Variants in MAML3 observed in about 807,000 individuals in gnomAD.
The protein encoded by MAML3 is mastermind like transcriptional coactivator 3.
A neutral mutation model predicts 101.9 loss-of-function variants in MAML3; 27 were observed. That is an observed-to-expected ratio of 0.27 (90% CI 0.20 to 0.37). MAML3 has a LOEUF of 0.37. Ranked by LOEUF, MAML3 falls within the 10% of genes least tolerant of loss-of-function variation. The pLI is 1.00. For synonymous variants in MAML3, 501 were observed against 555.9 expected (o/e 0.90, Z 1.39); for missense variants, 1,316 against 1,444.9 (o/e 0.91, Z 1.45).
chr4:139,811,168 T>G (rs1330040405), intron 2 of MAML3, among the ~76,000 whole-genome samples: 7 of 152,240 alleles, frequency 4.6e-5, no homozygotes, highest in African/African-American at 1.7e-4. Context: ...ATGAAACTTT[T>G]TAAAACTTAC....
chr4:139,760,050 G>A (rs1729725261), intron 2 of MAML3, among the ~76,000 whole-genome samples: 1 of 152,184 alleles, frequency 6.6e-6, no homozygotes, highest in Non-Finnish European at 1.5e-5. Context: ...ACAACTTTTG[G>A]ACAAAATGGA....
intron 2 of MAML3, among the ~76,000 whole-genome samples, chr4:139,738,652 G>T (rs925423): frequency 0.98 from 148,427 of 152,190 alleles, 72,475 homozygotes; most frequent in East Asian, 1. Flanking sequence ...TTCCTCTGCT[G>T]CCCAATTGCT....
chr4:140,069,986 C>T (rs1048562029), intron 1 of MAML3, among the ~76,000 whole-genome samples: 2 of 151,938 alleles, frequency 1.3e-5, no homozygotes, highest in African/African-American at 4.8e-5. Context: ...TGTGGTGGTG[C>T]ACACCTGTAA....
At chr4:139,970,505 G>C (rs978426738) in intron 1 of MAML3, among the ~76,000 whole-genome samples, 1 of 152,102 alleles carries the variant, frequency 6.6e-6, no homozygotes, top group Non-Finnish European at 1.5e-5. Context: ...AATGGAGCAT[G>C]GGTTTTAAAA....
chr4:139,850,107 C>A (rs372333276), intron 2 of MAML3, among the ~76,000 whole-genome samples: 6 of 152,066 alleles, frequency 3.9e-5, no homozygotes, highest in African/African-American at 7.2e-5. Flanking sequence ...TATTTCCCCC[C>A]CTACACCCTA....
At chr4:140,125,665 C>T (rs1223841593) in intron 1 of MAML3, among the ~76,000 whole-genome samples, 1 of 152,034 alleles carries the variant, frequency 6.6e-6, no homozygotes, top group African/African-American at 2.4e-5. Flanking sequence ...TCTATGTAGC[C>T]CAGGCTGGTC....
chr4:139,841,030 T>A (rs1431027802), intron 2 of MAML3, among the ~76,000 whole-genome samples: 1 of 152,172 alleles, frequency 6.6e-6, no homozygotes, highest in Non-Finnish European at 1.5e-5. Context: ...TCATCCTCCA[T>A]ATCCTAAATG....
At chr4:140,012,741 C>T (rs1377178437) in intron 1 of MAML3, among the ~76,000 whole-genome samples, 1 of 152,244 alleles carries the variant, frequency 6.6e-6, no homozygotes, top group Non-Finnish European at 1.5e-5. Flanking sequence ...AGGTTCTATT[C>T]CTCTCCTTCA....
chr4:140,022,299 C>T (rs548527083), intron 1 of MAML3, among the ~76,000 whole-genome samples: 1 of 152,110 alleles, frequency 6.6e-6, no homozygotes, highest in Admixed American at 6.5e-5. Flanking sequence ...TTTATGGGAA[C>T]ATAAATTCTG....
At chr4:139,877,448 T>A (rs895797838) in intron 2 of MAML3, among the ~76,000 whole-genome samples, 5 of 152,122 alleles carry the variant, frequency 3.3e-5, no homozygotes, top group African/African-American at 1.2e-4. Flanking sequence ...TAAAGTGTGC[T>A]CCAAAAGACT....
At chr4:139,919,664 G>A (rs1389712039) in intron 1 of MAML3, among the ~76,000 whole-genome samples, 1 of 152,220 alleles carries the variant, frequency 6.6e-6, no homozygotes, top group Non-Finnish European at 1.5e-5. Context: ...TTCATGGAAT[G>A]TGGAACATCC....
intron 2 of MAML3, among the ~76,000 whole-genome samples, chr4:139,805,783 G>A (rs1040258232): frequency 1.1e-4 from 16 of 152,082 alleles, no homozygotes; most frequent in African/African-American, 3.6e-4. Flanking sequence ...GAGAAGCTAA[G>A]GAAGCTAAAG....
intron 2 of MAML3, among the ~76,000 whole-genome samples, chr4:139,737,109 C>A (rs914035245): frequency 6.6e-6 from 1 of 152,094 alleles, no homozygotes; most frequent in South Asian, 2.1e-4. Context: ...CCCTATAATG[C>A]CCTTGCTAAG....
At chr4:140,109,948 T>C (rs969119248) in intron 1 of MAML3, among the ~76,000 whole-genome samples, 6 of 152,174 alleles carry the variant, frequency 3.9e-5, no homozygotes, top group Non-Finnish European at 7.3e-5. Context: ...ATTCCCACCA[T>C]ATAATGCTCT....
chr4:139,772,209 C>T (rs1730007113), intron 2 of MAML3, among the ~76,000 whole-genome samples: 1 of 111,036 alleles, frequency 9.0e-6, no homozygotes, highest in South Asian at 3.2e-4. Flanking sequence ...CACTGCACTC[C>T]AGCCTGGGTG....
At chr4:140,114,406 T>A (rs1728485499) in intron 1 of MAML3, among the ~76,000 whole-genome samples, 1 of 152,246 alleles carries the variant, frequency 6.6e-6, no homozygotes, top group South Asian at 2.1e-4. Context: ...AGGCAAGTGT[T>A]CTTTTTCCTT....
At chr4:139,830,408 C>CTTTTTTTTTTTT (rs1560807162) in intron 2 of MAML3, among the ~76,000 whole-genome samples, 1 of 143,532 alleles carries the variant, frequency 7.0e-6, no homozygotes, top group African/African-American at 2.8e-5. Context: ...GCACGCTGTG[C>CTTTTTTTTTTTT]TATTTTTTTT....
rs560322095 is a variant in MAML3 at position 139,933,292 on chromosome 4, C to T, written c.469-42325G>A. 2.6e-5 allele frequency among the ~76,000 whole-genome samples: 4 copies of T among 152,214 alleles called. No homozygotes were observed. The East Asian group carries it at 7.7e-4, about 29-fold the overall frequency. ...CCTATATTTTCCCTGGTTGGCTCTT[C>T]CTACTCAGGGCCCGCCCATGAGCAT... On this transcript the variant is annotated intron_variant, in intron 1 of 4. Transcript: ENST00000509479.
intron 1 of MAML3, among the ~76,000 whole-genome samples, chr4:140,077,794 C>T (rs535781251): frequency 1.1e-4 from 16 of 151,946 alleles, no homozygotes; most frequent in Non-Finnish European, 2.1e-4. Context: ...CCGAGGTGGG[C>T]GGATCATGAG....
Sources: gnomAD v4.1 joint callset for allele counts (sites outside exome capture counted in the v4.1 genomes callset) on GRCh38, gnomAD v4.1.1 for gene constraint, MANE v1.5 for transcripts, NCBI Gene and HGNC (gene_info 2026-07-23, HGNC 2026-07-21) for gene names.